The following EFHC2 variants were observed in gnomAD, a reference collection of about 807,000 sequenced individuals.
EFHC2 encodes the protein EF-hand domain-containing family member C2.
In EFHC2, 18 loss-of-function variants were observed where a neutral mutation model predicts 52.7. That is an observed-to-expected ratio of 0.34 (90% CI 0.24 to 0.51). EFHC2 has a LOEUF of 0.51. Among genes scored for constraint, EFHC2 ranks in the 20% least tolerant of loss-of-function variants. The pLI, the probability that EFHC2 is intolerant of heterozygous loss-of-function variation, is 0.97. For missense variants in EFHC2, 513 were observed against 562.5 expected (o/e 0.91, Z 0.89); for synonymous variants, 203 against 204.1 (o/e 0.99, Z 0.04).
rs925600700 is a variant in EFHC2, at chrX:44,148,027, T to C, written c.*768A>G. ...TCTAGGGTGGGGCGCGTGGGATGTGTGTGTAAAACAAACCAAAAAAAAAAC... is the reference window on the plus strand; with the variant it reads ...TCTAGGGTGGGGCGCGTGGGATGTGCGTGTAAAACAAACCAAAAAAAAAAC... On this transcript the variant is annotated 3_prime_UTR_variant, in exon 15 of 15. Coordinates refer to ENST00000420999, the MANE Select transcript of EFHC2 (RefSeq NM_025184.4). The C allele has an allele frequency of 1.5e-4, 17 of 110,260 alleles. No individual in the cohort carries two copies. Among genetic ancestry groups the C allele is most frequent in the African/African-American group, 4.3e-4 (13 of 30,292 alleles). The allele number at this position is 110,260 out of a possible 1,213,427, so 9.1% of individuals were successfully genotyped here. A position where few individuals can be genotyped will look rare whatever the true frequency, so the allele number is the denominator to read the frequency against.
chrX:44,338,708 T>C (rs1282753221), intron 1 of EFHC2, among the ~76,000 whole-genome samples: 1 of 87,543 alleles, frequency 1.1e-5, no homozygotes, highest in African/African-American at 5.0e-5. Context: ...CCCACTCTCT[T>C]CTTTTTCTTT....
intron 2 of EFHC2, among the ~76,000 whole-genome samples, chrX:44,283,530 AC>A (rs2147361603): frequency 1.2e-5 from 1 of 84,448 alleles, no homozygotes; most frequent in Admixed American, 1.5e-4. Context: ...CCACGGAAGT[AC>A]CTTTTTTTTT....
At chrX:44,198,950 T>G (rs1387074347) in intron 11 of EFHC2, among the ~76,000 whole-genome samples, 2 of 112,370 alleles carry the variant, frequency 1.8e-5, no homozygotes, top group Non-Finnish European at 3.8e-5. Flanking sequence ...ATAAAAAAAA[T>G]AAGTTATCTG....
At position 44,148,697 on chromosome X, in the gene EFHC2, C is replaced by A; in HGVS notation, c.*98G>T. On this transcript the variant is annotated 3_prime_UTR_variant, in exon 15 of 15. Coordinates refer to ENST00000420999, the MANE Select transcript of EFHC2 (RefSeq NM_025184.4). Reference sequence around the variant, plus strand: ...TTATGGATTTCCATTTAATATAAACCTTGTTTCTTTTTTGTTTTTAATGAA... The same window carrying A: ...TTATGGATTTCCATTTAATATAAACATTGTTTCTTTTTTGTTTTTAATGAA... 1.4e-6 allele frequency: 1 copy of A among 720,085 alleles called. No individual in the cohort carries two copies. The allele number at this position is 720,085 out of a possible 1,213,427, so 59.3% of individuals were successfully genotyped here.
At chrX:44,176,775 A>G (rs950447316) in intron 12 of EFHC2, among the ~76,000 whole-genome samples, 5 of 112,341 alleles carry the variant, frequency 4.5e-5, no homozygotes, top group Admixed American at 2.8e-4. Context: ...CAACACAAGT[A>G]TGATATGACT....
intron 13 of EFHC2, among the ~76,000 whole-genome samples, chrX:44,174,828 G>A (rs1051508985): frequency 9.0e-6 from 1 of 111,071 alleles, no homozygotes; most frequent in Non-Finnish European, 1.9e-5. Context: ...TCCCTCACAC[G>A]GCTGCTAGCA....
chrX:44,217,325 A>G (rs2037159351), intron 11 of EFHC2, among the ~76,000 whole-genome samples: 1 of 111,642 alleles, frequency 9.0e-6, no homozygotes, highest in South Asian at 3.8e-4. Flanking sequence ...GTTTCTCAAA[A>G]AACTAAAAAC....
intron 2 of EFHC2, among the ~76,000 whole-genome samples, chrX:44,290,327 A>AAT (rs1218749747): frequency 7.2e-5 from 8 of 111,734 alleles, no homozygotes; most frequent in African/African-American, 2.6e-4. Context: ...CTCATTCAAT[A>AAT]ATATTTTTAA....
intron 2 of EFHC2, among the ~76,000 whole-genome samples, chrX:44,283,415 C>T (rs1183123849): frequency 9.0e-6 from 1 of 111,697 alleles, no homozygotes; most frequent in South Asian, 3.7e-4. Flanking sequence ...ATCTCCTGAC[C>T]TCGTGATCCG....
At chrX:44,227,991 G>A (rs1210303225) in intron 11 of EFHC2, among the ~76,000 whole-genome samples, 1 of 112,040 alleles carries the variant, frequency 8.9e-6, no homozygotes, top group Non-Finnish European at 1.9e-5. Context: ...AGAAAAAGAG[G>A]TGATGACACT....
At chrX:44,248,737 C>T (rs1215333170) in intron 6 of EFHC2, 66 bp downstream of exon 6, 31 of 875,202 alleles carry the variant, frequency 3.5e-5, no homozygotes, top group Admixed American at 1.3e-4. Flanking sequence ...GTACGTAACT[C>T]GCCCCACTGT....
At chrX:44,320,064 T>A (rs2147388213) in intron 1 of EFHC2, among the ~76,000 whole-genome samples, 1 of 111,770 alleles carries the variant, frequency 8.9e-6, no homozygotes, top group South Asian at 3.8e-4. Flanking sequence ...TGCCTCAGCC[T>A]CCCAAGTAGC....
chrX:44,253,473 G>A (rs1602179036), intron 4 of EFHC2, among the ~76,000 whole-genome samples: 1 of 111,241 alleles, frequency 9.0e-6, no homozygotes, highest in African/African-American at 3.3e-5. Flanking sequence ...TTGTGTAGGC[G>A]GTTTTCCCCT....
intron 2 of EFHC2, among the ~76,000 whole-genome samples, chrX:44,287,257 T>C (rs2037758363): frequency 9.0e-6 from 1 of 110,600 alleles, no homozygotes; most frequent in Non-Finnish European, 1.9e-5. Flanking sequence ...ATACACACAA[T>C]GAGTTTTCCT....
At chrX:44,243,998 A>G (rs750007524) in intron 7 of EFHC2, among the ~76,000 whole-genome samples, 2 of 111,702 alleles carry the variant, frequency 1.8e-5, no homozygotes, top group African/African-American at 6.5e-5. Flanking sequence ...AACAGGAGAC[A>G]TATACATACA....
chrX:44,240,815 C>T (rs1257290063), intron 8 of EFHC2, among the ~76,000 whole-genome samples: 1 of 111,063 alleles, frequency 9.0e-6, no homozygotes, highest in Non-Finnish European at 1.9e-5. Flanking sequence ...CAATAATTAG[C>T]ATTTCTAAAA....
At chrX:44,338,202 A>T (rs2038127690) in intron 1 of EFHC2, among the ~76,000 whole-genome samples, 2 of 111,934 alleles carry the variant, frequency 1.8e-5, no homozygotes, top group Admixed American at 9.5e-5. Context: ...AAAATTTAAA[A>T]ATATACATTA....
chrX:44,160,156 C>T (rs747964801), intron 14 of EFHC2, among the ~76,000 whole-genome samples: 3 of 111,653 alleles, frequency 2.7e-5, no homozygotes, highest in African/African-American at 9.8e-5. Context: ...GATACCTGTC[C>T]CAGTTGACAG....
At chrX:44,290,088 A>T (rs2037782332) in intron 2 of EFHC2, among the ~76,000 whole-genome samples, 1 of 111,912 alleles carries the variant, frequency 8.9e-6, no homozygotes, top group Non-Finnish European at 1.9e-5. Flanking sequence ...ATTCTTTAGG[A>T]ACAATTGTCT....
Sources: allele counts gnomAD v4.1 joint callset (sites outside exome capture counted in the v4.1 genomes callset), GRCh38; gene constraint gnomAD v4.1.1; transcripts MANE v1.5; gene names NCBI Gene and HGNC (gene_info 2026-07-23, HGNC 2026-07-21).